Variants in ETHE1 observed in about 807,000 individuals in gnomAD.
ETHE1 encodes persulfide dioxygenase ETHE1, mitochondrial.
ETHE1 carries 16 observed loss-of-function variants against 25.7 expected under a neutral mutation model. The observed-to-expected ratio is 0.62, with a 90% CI of 0.42 to 0.95. The LOEUF is 0.95. Among genes scored for constraint, ETHE1 ranks in the 40% least tolerant of loss-of-function variants. The probability of loss-of-function intolerance (pLI) is 0.00; values close to 1 mark genes in which losing one functional copy is unlikely to be tolerated. For synonymous variants in ETHE1, 139 were observed against 135.9 expected (o/e 1.02, Z -0.16); for missense variants, 300 against 333.6 (o/e 0.90, Z 0.79).
chr19:43,523,072 T>C (rs2146010586), intron 3 of ETHE1, among the ~76,000 whole-genome samples: 1 of 152,254 alleles, frequency 6.6e-6, no homozygotes, highest in South Asian at 2.1e-4. Context: ...GTTTATAATG[T>C]CAGAACAGGC....
intron 3 of ETHE1, 94 bp from the exon 4 acceptor site, chr19:43,511,660 A>G (rs1361810284): frequency 1.2e-5 from 17 of 1,407,460 alleles, no homozygotes; most frequent in Non-Finnish European, 1.6e-5. Flanking sequence ...GGTCTTATCT[A>G]GATAAACATT....
rs753493085 is a variant in ETHE1, at chr19:43,508,785, G to A, written c.585C>T (p.His195=). 26 of 1,604,114 alleles carry A rather than the reference G, an allele frequency of 1.6e-5. No individual in the cohort carries two copies. Among genetic ancestry groups the A allele is most frequent in the East Asian group, 1.1e-4 (5 of 44,772 alleles). ...CCAGGAAGCCCTCACCATGGTAATC[G>A]TGAGCAGGGTAGATCAGACAGTCTC... is the stretch of plus-strand genomic sequence containing the variant. The part of the protein sequence containing the change: ...LPGDCLIYPA[H]DYHGFTVSTV... Residue 195 remains histidine (H), a synonymous_variant, in exon 5 of 7, where the codon CAC becomes CAT. Transcript: ENST00000292147.
intron 3 of ETHE1, among the ~76,000 whole-genome samples, chr19:43,523,172 G>A (rs1972169704): frequency 6.6e-6 from 1 of 152,188 alleles, no homozygotes; most frequent in Non-Finnish European, 1.5e-5. Context: ...GACTTCTGGG[G>A]TGATGGGCAA....
In ETHE1 at chr19:43,508,805, A is replaced by G; in HGVS notation, c.565T>C (p.Cys189Arg). The G allele has an allele frequency of 6.2e-7, 1 of 1,608,446 alleles. No homozygotes were observed. The highest frequency in any genetic ancestry group is 1.1e-5 in the South Asian group (1 of 89,264). The change falls in exon 5 of 7, where the codon TGT becomes CGT. Residue 189 changes from cysteine (C) to arginine (R), a missense_variant. Transcript: ENST00000292147. The stretch of plus-strand genomic sequence containing the variant: ...TAATCGTGAGCAGGGTAGATCAGAC[A>G]GTCTCCTGGAAGTGTGAAGATCTTT... ...HEKIFTLPGDCLIYPAHDYHG... is the reference protein window; with the variant it reads ...HEKIFTLPGDRLIYPAHDYHG...
intron 4 of ETHE1, among the ~76,000 whole-genome samples, chr19:43,509,669 G>A (rs559193712): frequency 1.1e-4 from 16 of 151,640 alleles, no homozygotes; most frequent in African/African-American, 2.9e-4. Context: ...GATGGCGGGC[G>A]CCTGTAGTCC....
intron 3 of ETHE1, among the ~76,000 whole-genome samples, chr19:43,517,949 C>CAA (rs71169251): frequency 0.23 from 24,198 of 104,862 alleles, 2,153 homozygotes; most frequent in Non-Finnish European, 0.24. Flanking sequence ...CACTCCGTCT[C>CAA]AAAAAAAAAA....
intron 6 of ETHE1, 110 bp from the exon 7 acceptor site, chr19:43,507,012 G>A (rs952265240): frequency 3.4e-6 from 4 of 1,167,536 alleles, no homozygotes; most frequent in Non-Finnish European, 5.0e-6. Context: ...CTAGAGTTTT[G>A]GTCCTGAGCC....
chr19:43,520,713 A>T (rs896743744), intron 3 of ETHE1, among the ~76,000 whole-genome samples: 2 of 151,940 alleles, frequency 1.3e-5, no homozygotes, highest in East Asian at 3.9e-4. Flanking sequence ...AAAAAAAAAA[A>T]ATTTTTTTTC....
At position 43,527,191 on chromosome 19, in the gene ETHE1, G is replaced by A. The variant is rs779073594; in HGVS notation, c.-14C>T. On this transcript the variant is annotated 5_prime_UTR_variant, in exon 1 of 7. Coordinates refer to ENST00000292147, the MANE Select transcript of ETHE1 (RefSeq NM_014297.5). ...AGCCTCCGCCATCGCGCCCACTGCGGGGTCAGGAATGAGCGGAGGCCGAGC... is the reference window on the plus strand; with the variant it reads ...AGCCTCCGCCATCGCGCCCACTGCGAGGTCAGGAATGAGCGGAGGCCGAGC... 3.9e-6 allele frequency: 6 copies of A among 1,535,956 alleles called. No individual in the cohort carries two copies. The highest frequency in any genetic ancestry group is 5.2e-6 in the Non-Finnish European group (6 of 1,146,060).
rs71169253 is a variant in ETHE1, at chr19:43,518,999, G to GTTTTTTTTTTTTT, written c.375+7189_375+7201dup. Among the ~76,000 whole-genome samples, 69 of 90,998 alleles carry GTTTTTTTTTTTTT rather than the reference G, an allele frequency of 7.6e-4. 12 individuals carry two copies. Among genetic ancestry groups the GTTTTTTTTTTTTT allele is most frequent in the East Asian group, 1.2e-3 (3 of 2,482 alleles). The allele number at this position is 90,998 out of a possible 152,430, so 59.7% of individuals were successfully genotyped here. On this transcript the variant is annotated intron_variant, in intron 3 of 6. Transcript: ENST00000292147. ...CTGATGGCTGATGAAATTTGTGCTT[G>GTTTTTTTTTTTTT]TTTTTTTTTTTTTTTTTTTTTTTTT... is the stretch of plus-strand genomic sequence containing the variant.
At chr19:43,523,952 G>A (rs920046055) in intron 3 of ETHE1, among the ~76,000 whole-genome samples, 9 of 151,288 alleles carry the variant, frequency 5.9e-5, no homozygotes, top group Non-Finnish European at 1.3e-4. Context: ...AAATAAAAAT[G>A]TGCCTGGGCG....
intron 3 of ETHE1, among the ~76,000 whole-genome samples, chr19:43,519,951 C>T (rs1288183185): frequency 2.0e-5 from 3 of 151,444 alleles, no homozygotes; most frequent in African/African-American, 7.3e-5. Flanking sequence ...TGATGGTGCA[C>T]GTCTGTAGGC....
intron 3 of ETHE1, among the ~76,000 whole-genome samples, chr19:43,519,009 T>TTTTTTG (rs1972085578): frequency 1.8e-5 from 1 of 55,886 alleles, no homozygotes; most frequent in Non-Finnish European, 3.7e-5. Flanking sequence ...GTTTTTTTTT[T>TTTTTTG]TTTTTTTTTT....
At chr19:43,518,900 C>T (rs187706678) in intron 3 of ETHE1, among the ~76,000 whole-genome samples, 5 of 151,456 alleles carry the variant, frequency 3.3e-5, no homozygotes, top group Admixed American at 1.3e-4. Flanking sequence ...CATTTTCACT[C>T]GCATTCCCCA....
chr19:43,511,730 G>A (rs979715259), intron 3 of ETHE1, among the ~76,000 whole-genome samples, 164 bp from the exon 4 acceptor site: 2 of 152,110 alleles, frequency 1.3e-5, no homozygotes, highest in East Asian at 3.8e-4. Flanking sequence ...AACTCCAAGT[G>A]GATTAAAGAT....
At chr19:43,519,751 A>C (rs901269053) in intron 3 of ETHE1, among the ~76,000 whole-genome samples, 1 of 152,104 alleles carries the variant, frequency 6.6e-6, no homozygotes, top group Non-Finnish European at 1.5e-5. Context: ...AACTATAGTA[A>C]ACACCTCTTA....
rs117694603 is a variant in ETHE1, at chr19:43,514,359, G to A, written c.376-2793C>T. On this transcript the variant is annotated intron_variant, in intron 3 of 6. Transcript: ENST00000292147. ...CCCTGCACACACTTTCTTGCCTGTCGCCATGTAAGCCATGCCTTCACTCCT... is the reference window on the plus strand; with the variant it reads ...CCCTGCACACACTTTCTTGCCTGTCACCATGTAAGCCATGCCTTCACTCCT... 4.0e-3 allele frequency among the ~76,000 whole-genome samples: 610 copies of A among 152,004 alleles called. 3 individuals carry two copies. Among genetic ancestry groups the A allele is most frequent in the Middle Eastern group, 0.01 (3 of 294 alleles).
At chr19:43,514,934 A>G (rs1353511244) in intron 3 of ETHE1, among the ~76,000 whole-genome samples, 2 of 152,232 alleles carry the variant, frequency 1.3e-5, no homozygotes, top group Admixed American at 1.3e-4. Flanking sequence ...AAGAGAACCA[A>G]TATGCTGGGA....
chr19:43,521,354 G>A (rs1972135316), intron 3 of ETHE1, among the ~76,000 whole-genome samples: 3 of 151,972 alleles, frequency 2.0e-5, no homozygotes, highest in African/African-American at 7.2e-5. Context: ...CTGTTTTGGC[G>A]ATCCACTGCC....
Sources: gnomAD v4.1 joint callset for allele counts (sites outside exome capture counted in the v4.1 genomes callset) on GRCh38, gnomAD v4.1.1 for gene constraint, MANE v1.5 for transcripts, NCBI Gene and HGNC (gene_info 2026-07-23, HGNC 2026-07-21) for gene names.